Variants in CIITA observed in about 807,000 individuals in gnomAD.
CIITA encodes MHC class II transactivator.
Under a neutral mutation model 115.1 loss-of-function variants are expected in CIITA, and 72 were observed. That is an observed-to-expected ratio of 0.63 (90% CI 0.52 to 0.76). The LOEUF (loss-of-function observed/expected upper bound fraction) is 0.76. CIITA is among the 30% of genes least tolerant of loss of function. CIITA has a pLI of 0.00. For missense variants in CIITA, 1,617 were observed against 1,463.8 expected, an observed-to-expected ratio of 1.10 and a Z score of -1.71; for synonymous variants, 763 against 635.6, an observed-to-expected ratio of 1.20 and a Z score of -3.02.
chr16:10,941,970 T>C lies in CIITA; in HGVS notation n.1096T>C. The C allele has an allele frequency of 6.5e-7, 1 of 1,529,332 alleles. No individual in the cohort carries two copies. Among genetic ancestry groups the C allele is most frequent in the Non-Finnish European group, 8.8e-7 (1 of 1,138,978 alleles). The allele number at this position is 1,529,332 out of a possible 1,614,324, so 94.7% of individuals were successfully genotyped here. A position where few individuals can be genotyped will look rare whatever the true frequency, so the allele number is the denominator to read the frequency against. On this transcript the variant is annotated non_coding_transcript_exon_variant, in exon 2 of 2. Coordinates refer to the CIITA transcript ENST00000573379. This position sits in a 1 kb window ranked among gnomAD's most constrained non-coding sequence, Gnocchi z 6.4. ...GCACGTAGGGGACCAGGGGGCCCAG[T>C]GCGTCCAGGTGGGCCGCGACCCGGG...
intron 13 of CIITA, among the ~76,000 whole-genome samples, chr16:10,912,560 C>T (rs1262295251): frequency 6.6e-6 from 1 of 152,198 alleles, no homozygotes; most frequent in Non-Finnish European, 1.5e-5. Context: ...CAGCTGGTCA[C>T]CCACAAGCTA....
Position 10,908,035 on chromosome 16 carries a change from T to C in CIITA, c.2543T>C (p.Leu848Pro). ...TRLTPPDAHV[L>P]GKALEAAGQD... Reference sequence around the variant, plus strand: ...CTCACGCCTCCTGATGCACATGTACTGGGCAAGGCCTTGGAGGCGGCGGGC... The same window carrying C: ...CTCACGCCTCCTGATGCACATGTACCGGGCAAGGCCTTGGAGGCGGCGGGC... Residue 848 changes from leucine to proline, a missense_variant, in exon 11 of 20, where the codon CTG (leucine) becomes CCG (proline). Physicochemically the swap from Leu to Pro is moderately conservative, Grantham distance 98. Coordinates refer to ENST00000324288, the MANE Select transcript of CIITA (RefSeq NM_000246.4). 1 of 1,612,606 alleles carries C rather than the reference T, an allele frequency of 6.2e-7. No homozygotes were observed. The highest frequency in any genetic ancestry group is 8.5e-7 in the Non-Finnish European group (1 of 1,178,824).
chr16:10,881,233 G>T (rs964563724), intron 1 of CIITA, among the ~76,000 whole-genome samples: 5 of 152,006 alleles, frequency 3.3e-5, no homozygotes, highest in African/African-American at 9.7e-5. Flanking sequence ...AGAGGTGGAG[G>T]TTACCCGAGA....
Position 10,902,042 on chromosome 16 carries a change from G to C in CIITA, c.486G>C (p.Glu162Asp). The stretch of plus-strand genomic sequence containing the variant: ...ACACAGCCCACTTCCTCACAGCTGA[G>C]CCCCCCACTGTGGTGACTGGCAGTC... ...PADLKHWKPA[E>D]PPTVVTGSLL... Residue 162 changes from glutamate to aspartate, a missense_variant, in exon 7 of 20, where the codon GAG (glutamate) becomes GAC (aspartate). Transcript: ENST00000324288. 1 of 1,614,026 alleles carries C rather than the reference G, an allele frequency of 6.2e-7. No homozygotes were observed. Among genetic ancestry groups the C allele is most frequent in the Non-Finnish European group, 8.5e-7 (1 of 1,180,030 alleles).
At position 10,922,446 on chromosome 16, in the gene CIITA, G is replaced by T. The variant is rs753757191; in HGVS notation, c.3273G>T (p.Gln1091His). The T allele has an allele frequency of 4.3e-5, 70 of 1,614,096 alleles. No individual in the cohort carries two copies. Among genetic ancestry groups the T allele is most frequent in the Non-Finnish European group, 5.8e-5 (69 of 1,180,044 alleles). ...AGTTCACGGCTGCCGGGGCCCAGCA[G>T]CTCGCTGCCAGCCTTCGGAGGTGTC... ...YNKFTAAGAQ[Q>H]LAASLRRCPH... The change falls in exon 18 of 20, where the codon CAG becomes CAT. Residue 1091 changes from glutamine to histidine, a missense_variant. Transcript: ENST00000324288.
rs549333696 is a variant in CIITA, at chr16:10,922,573, G to A, written c.3317+83G>A. 3.1e-4 allele frequency: 433 copies of A among 1,410,662 alleles called. 1 individual carries two copies. The highest frequency in any genetic ancestry group is 3.9e-4 in the Non-Finnish European group (388 of 1,004,146). 87.4% of individuals were successfully genotyped at this position (1,410,662 alleles called of 1,614,324 possible). ...AGTGTGACCCCGGAGCTCAAATCATGCTCTTCCCTTCACCAATCTGCAACC... is the reference window on the plus strand; with the variant it reads ...AGTGTGACCCCGGAGCTCAAATCATACTCTTCCCTTCACCAATCTGCAACC... On this transcript the variant is annotated intron_variant, in intron 18 of 19. Transcript: ENST00000324288.
chr16:10,894,899 T>C (rs1231480192), intron 1 of CIITA, among the ~76,000 whole-genome samples: 1 of 152,222 alleles, frequency 6.6e-6, no homozygotes, highest in Non-Finnish European at 1.5e-5. Flanking sequence ...CTTCCTTACA[T>C]GGTTACTGAT....
Position 10,935,862 on chromosome 16 carries a change from G to T in CIITA, c.*12007G>T, listed in dbSNP as rs1348089286. The T allele has an allele frequency of 6.6e-6, 1 of 152,230 alleles. No individual in the cohort carries two copies. Among genetic ancestry groups the T allele is most frequent in the Non-Finnish European group, 1.5e-5 (1 of 68,048 alleles). 9.4% of individuals were successfully genotyped at this position (152,230 alleles called of 1,614,324 possible). ...TGCTTAATATGTCAATGTCACAAGA[G>T]AGAAAGACAGACTGAAGAGCTGATC... On this transcript the variant is annotated 3_prime_UTR_variant, in exon 20 of 20. Coordinates refer to ENST00000324288, the MANE Select transcript of CIITA (RefSeq NM_000246.4).
rs2039476455 is a variant in CIITA at position 10,910,346 on chromosome 16, G to A, written c.2888+87G>A. ...GGCTTGTACCACCTGAATGGAGATA[G>A]ATCTCCAGAATCATTCTTACCCTCT... is the stretch of plus-strand genomic sequence containing the variant. On this transcript the variant is annotated intron_variant, in intron 13 of 19. Coordinates refer to ENST00000324288, the MANE Select transcript of CIITA (RefSeq NM_000246.4). The A allele has an allele frequency of 5.4e-6, 6 of 1,101,496 alleles. No homozygotes were observed. The South Asian group carries it at 6.6e-5, about 12-fold the overall frequency. The allele number at this position is 1,101,496 out of a possible 1,614,324, so 68.2% of individuals were successfully genotyped here.
rs1477823503 is a variant in CIITA at position 10,895,311 on chromosome 16, G to C, written c.82G>C (p.Gly28Arg). The C allele has an allele frequency of 1.2e-6, 2 of 1,613,988 alleles. No homozygotes were observed. Among genetic ancestry groups the C allele is most frequent in the Non-Finnish European group, 1.7e-6 (2 of 1,180,012 alleles). ...GSSQCATMEL[G>R]PLEGGYLELL... is the part of the protein sequence containing the mutation. The stretch of plus-strand genomic sequence containing the variant: ...CTCACAGTGTGCCACCATGGAGTTG[G>C]GGCCCCTAGAAGGTGGCTACCTGGA... The change falls in exon 2 of 20, where the codon GGG becomes CGG. Residue 28 changes from glycine to arginine, a missense_variant. By Grantham distance (125) the Gly-to-Arg change is moderately radical (BLOSUM62 -2). Coordinates refer to ENST00000324288, the MANE Select transcript of CIITA (RefSeq NM_000246.4).
chr16:10,895,627 T>C, intron 2 of CIITA, 42 bp from the exon 3 acceptor site: 1 of 1,612,404 alleles, frequency 6.2e-7, no homozygotes, highest in South Asian at 1.1e-5. Flanking sequence ...CAGCCCTCTT[T>C]CCAGAAATTT....
Position 10,898,888 on chromosome 16 carries a change from G to T in CIITA, c.359-37G>T. On this transcript the variant is annotated intron_variant, in intron 4 of 19. Coordinates refer to ENST00000324288, the MANE Select transcript of CIITA (RefSeq NM_000246.4). ...TAGAGACTCACCTTGGGCTTTCATTGATTGTGTGAGTTGGTCTCTGGTTTT... is the reference window on the plus strand; with the variant it reads ...TAGAGACTCACCTTGGGCTTTCATTTATTGTGTGAGTTGGTCTCTGGTTTT... 4 of 1,611,824 alleles carry T rather than the reference G, an allele frequency of 2.5e-6. No homozygotes were observed. In the South Asian group the frequency reaches 4.4e-5, roughly 18 times the overall value.
At position 10,929,197 on chromosome 16, in the gene CIITA, G is replaced by A. The variant is rs1567459143; in HGVS notation, c.*5342G>A. 1 of 985,438 alleles carries A rather than the reference G, an allele frequency of 1.0e-6. No homozygotes were observed. Among genetic ancestry groups the A allele is most frequent in the Non-Finnish European group, 1.2e-6 (1 of 829,616 alleles). 61.0% of individuals were successfully genotyped at this position (985,438 alleles called of 1,614,324 possible). A position where few individuals can be genotyped will look rare whatever the true frequency, so the allele number is the denominator to read the frequency against. ...GACCAGCCTCGGGCTAAACCCAGCT[G>A]GCCTGAAGGCTCAACTCACATCAAA... On this transcript the variant is annotated 3_prime_UTR_variant, in exon 20 of 20. Transcript: ENST00000324288. This position sits in a 1 kb window ranked among gnomAD's most constrained non-coding sequence, Gnocchi z 4.3.
In CIITA at chr16:10,930,996, A is replaced by G. The variant is rs2040763778; in HGVS notation, c.*7141A>G. 6.6e-6 allele frequency: 1 copy of G among 152,300 alleles called. No homozygotes were observed. The highest frequency in any genetic ancestry group is 6.5e-5 in the Admixed American group (1 of 15,280). The allele number at this position is 152,300 out of a possible 1,614,324, so 9.4% of individuals were successfully genotyped here. On this transcript the variant is annotated 3_prime_UTR_variant, in exon 20 of 20. Coordinates refer to ENST00000324288, the MANE Select transcript of CIITA (RefSeq NM_000246.4). ...TCTCCAAGGCCTGTGGTCATCCTTG[A>G]GCCCATCTCAGATTTGTGTGGATAG...
Position 10,934,341 on chromosome 16 carries a change from G to C in CIITA, c.*10486G>C. The C allele has an allele frequency of 6.6e-6, 1 of 152,232 alleles. No individual in the cohort carries two copies. The highest frequency in any genetic ancestry group is 1.9e-4 in the East Asian group (1 of 5,210). The allele number at this position is 152,232 out of a possible 1,614,324, so 9.4% of individuals were successfully genotyped here. A position where few individuals can be genotyped will look rare whatever the true frequency, so the allele number is the denominator to read the frequency against. On this transcript the variant is annotated 3_prime_UTR_variant, in exon 20 of 20. Transcript: ENST00000324288. The surrounding 1 kb of genome is among the most constrained non-coding windows in gnomAD (Gnocchi z 4.2). Reference sequence around the variant, plus strand: ...GCAGTAGAATTTGTCATACACAGAAGGCAATGCTAAAAATACAATGAAAAT... The same window carrying C: ...GCAGTAGAATTTGTCATACACAGAACGCAATGCTAAAAATACAATGAAAAT...
In CIITA at chr16:10,877,223, G is replaced by T; in HGVS notation, c.-108G>T. 3 of 910,266 alleles carry T rather than the reference G, an allele frequency of 3.3e-6. No homozygotes were observed. The highest frequency in any genetic ancestry group is 2.0e-5 in the Admixed American group (1 of 50,426). The allele number at this position is 910,266 out of a possible 1,614,324, so 56.4% of individuals were successfully genotyped here. A position where few individuals can be genotyped will look rare whatever the true frequency, so the allele number is the denominator to read the frequency against. Reference sequence around the variant, plus strand: ...GGTTAGTGATGAGGCTAGTGATGAGGCTGTGTGCTTCTGAGCTGGGCATCC... The same window carrying T: ...GGTTAGTGATGAGGCTAGTGATGAGTCTGTGTGCTTCTGAGCTGGGCATCC... On this transcript the variant is annotated 5_prime_UTR_variant, in exon 1 of 20. Coordinates refer to ENST00000324288, the MANE Select transcript of CIITA (RefSeq NM_000246.4).
chr16:10,866,793 CA>C (rs1212724009), intron 1 of CIITA, among the ~76,000 whole-genome samples: 1 of 152,214 alleles, frequency 6.6e-6, no homozygotes, highest in African/African-American at 2.4e-5. Flanking sequence ...GGAACCATCC[CA>C]GGGGCACGCA....
downstream of CIITA, chr16:10,937,619 C>G (rs2041047050): frequency 6.6e-6 from 1 of 152,250 alleles, no homozygotes; most frequent in African/African-American, 2.4e-5. This position sits in a 1 kb window ranked among gnomAD's most constrained non-coding sequence, Gnocchi z 4.2. Flanking sequence ...TCGCTGTGTG[C>G]CAAGAGAGGG....
Position 10,870,685 on chromosome 16 carries a change from C to T in CIITA, c.-21+4366C>T, listed in dbSNP as rs111858212. 3.1e-3 allele frequency among the ~76,000 whole-genome samples: 477 copies of T among 152,330 alleles called. 4 individuals carry two copies. The highest frequency in any genetic ancestry group is 0.011 in the African/African-American group (441 of 41,574). On this transcript the variant is annotated intron_variant, in intron 1 of 5. Coordinates refer to the CIITA transcript ENST00000636238. ...GTACCATGTGACCTTGGCCACATGA[C>T]TAGACCACTCGGAATCTCAGTTTCT...
Sources: allele counts gnomAD v4.1 joint callset (sites outside exome capture counted in the v4.1 genomes callset), GRCh38; gene constraint gnomAD v4.1.1; non-coding constraint Gnocchi (gnomAD v3.1); transcripts MANE v1.5; gene names NCBI Gene and HGNC (gene_info 2026-07-23, HGNC 2026-07-21).